The following JAML variants were observed in gnomAD, a reference collection of about 807,000 sequenced individuals.
JAML encodes the protein junctional adhesion molecule-like.
JAML carries 25 observed loss-of-function variants against 39.3 expected under a neutral mutation model. The ratio of observed to expected loss-of-function variants is 0.64; its 90% CI spans 0.46 to 0.89. The LOEUF is 0.89. Among genes scored for constraint, JAML ranks in the 40% least tolerant of loss-of-function variants. The pLI, the probability that JAML is intolerant of heterozygous loss-of-function variation, is 0.00. For missense variants in JAML, 440 were observed against 486.9 expected (o/e 0.90, Z 0.91); for synonymous variants, 162 against 179.2 (o/e 0.90, Z 0.77).
rs1948607143 is a variant in JAML, at chr11:118,194,288, T to A, written c.*37A>T. 3 of 1,561,332 alleles carry A rather than the reference T, an allele frequency of 1.9e-6. No homozygotes were observed. Among genetic ancestry groups the A allele is most frequent in the Non-Finnish European group, 2.6e-6 (3 of 1,132,166 alleles). On this transcript the variant is annotated 3_prime_UTR_variant, in exon 10 of 10. Coordinates refer to ENST00000356289, the MANE Select transcript of JAML (RefSeq NM_001098526.2). ...CCCAGGACACACACAGGAGAGAGTC[T>A]CCACCGCTGCTGAGATGAAGGGACT...
At chr11:118,209,624 G>A (rs910638505) in intron 4 of JAML, among the ~76,000 whole-genome samples, 1 of 151,948 alleles carries the variant, frequency 6.6e-6, no homozygotes, top group Non-Finnish European at 1.5e-5. Flanking sequence ...GGGCTCAAGT[G>A]ATCCTCTCAC....
intron 7 of JAML, among the ~76,000 whole-genome samples, chr11:118,200,130 C>T (rs1472607145): frequency 6.6e-6 from 1 of 152,130 alleles, no homozygotes; most frequent in Non-Finnish European, 1.5e-5. Context: ...GCGGAACGTA[C>T]AGTATGGATA....
chr11:118,202,802 T>G, intron 6 of JAML: 1 of 378,460 alleles, frequency 2.6e-6, no homozygotes, highest in Non-Finnish European at 5.2e-6. Flanking sequence ...ACAGGCAAAG[T>G]CCACAGGCCA....
At chr11:118,198,159 A>T in intron 7 of JAML, 68 bp from the exon 8 acceptor site, 1 of 1,325,100 alleles carries the variant, frequency 7.5e-7, no homozygotes, top group Non-Finnish European at 1.1e-6. Flanking sequence ...CCTACATGAG[A>T]TCCCCTCTTG....
chr11:118,213,474 C>A, intron 2 of JAML: 2 of 264,800 alleles, frequency 7.6e-6, no homozygotes, highest in Non-Finnish European at 5.9e-6. Flanking sequence ...CAAAAGAAAA[C>A]ATCGACTCTA....
At position 118,203,037 on chromosome 11, in the gene JAML, C is replaced by T. The variant is rs754275394; in HGVS notation, c.772+391G>A. ...CTCTCACTAGCTTAGGATCATTTCC[C>T]GCTCCACTCTAACACATACAGCACC... On this transcript the variant is annotated intron_variant, in intron 6 of 9. Transcript: ENST00000356289. 5.6e-5 allele frequency: 26 copies of T among 462,402 alleles called. 1 individual carries two copies. The highest frequency in any genetic ancestry group is 3.3e-4 in the South Asian group (21 of 64,614). 28.6% of individuals were successfully genotyped at this position (462,402 alleles called of 1,614,324 possible).
chr11:118,196,742 A>G lies in JAML; in HGVS notation c.1085T>C (p.Met362Thr). ...GGCCAGAATCATTCTCACCATGGTCATGTAGGTGGCCTCTGATTTTTCACT... is the reference window on the plus strand; with the variant it reads ...GGCCAGAATCATTCTCACCATGGTCGTGTAGGTGGCCTCTGATTTTTCACT... ...EPSEKSEATY[M>T]TMHPVWPSLR... is the part of the protein sequence containing the mutation. The change falls in exon 9 of 10, where the codon ATG becomes ACG. Residue 362 changes from methionine (M) to threonine (T), a missense_variant. Transcript: ENST00000356289. 6.2e-7 allele frequency: 1 copy of G among 1,608,872 alleles called. No homozygotes were observed. Among genetic ancestry groups the G allele is most frequent in the Non-Finnish European group, 8.5e-7 (1 of 1,175,248 alleles).
At chr11:118,198,164 C>T in intron 7 of JAML, 73 bp from the exon 8 acceptor site, 1 of 1,269,820 alleles carries the variant, frequency 7.9e-7, no homozygotes, top group Non-Finnish European at 1.1e-6. Context: ...ATGAGATCCC[C>T]TCTTGGCTTC....
intron 2 of JAML, among the ~76,000 whole-genome samples, chr11:118,214,253 T>C (rs1382399528): frequency 6.6e-6 from 1 of 152,002 alleles, no homozygotes; most frequent in Non-Finnish European, 1.5e-5. Context: ...ACCAATCTGG[T>C]CTGAGGAGAT....
At chr11:118,215,460 C>T (rs1399529309) in intron 1 of JAML, among the ~76,000 whole-genome samples, 1 of 152,042 alleles carries the variant, frequency 6.6e-6, no homozygotes, top group Non-Finnish European at 1.5e-5. Context: ...AGCAACCTTC[C>T]TGTCTCAGCC....
At chr11:118,209,150 A>G (rs1785569432) in intron 4 of JAML, 2 of 326,856 alleles carry the variant, frequency 6.1e-6, no homozygotes, top group Admixed American at 3.0e-5. Flanking sequence ...TGGAAGCATA[A>G]TGCCTCCTTT....
intron 3 of JAML, among the ~76,000 whole-genome samples, chr11:118,211,806 G>T (rs1007829834): frequency 6.6e-6 from 1 of 152,120 alleles, no homozygotes; most frequent in African/African-American, 2.4e-5. Flanking sequence ...ACTCCAAAGA[G>T]CTCCATGAAA....
Position 118,210,468 on chromosome 11 carries a change from T to C in JAML, c.424+19A>G. ...AAGCTCTTGCCCCTTGGCCCCTCTTTAAGTAAGCATTTGCGTACCTTTGGG... is the reference window on the plus strand; with the variant it reads ...AAGCTCTTGCCCCTTGGCCCCTCTTCAAGTAAGCATTTGCGTACCTTTGGG... On this transcript the variant is annotated intron_variant, in intron 4 of 9. Transcript: ENST00000356289. 6.2e-7 allele frequency: 1 copy of C among 1,612,494 alleles called. No individual in the cohort carries two copies. Among genetic ancestry groups the C allele is most frequent in the Non-Finnish European group, 8.5e-7 (1 of 1,179,400 alleles).
chr11:118,209,922 T>C lies in JAML; in HGVS notation c.424+565A>G, dbSNP rs149021606. Among the ~76,000 whole-genome samples, 165 of 152,122 alleles carry C rather than the reference T, an allele frequency of 1.1e-3. 1 individual carries two copies. The highest frequency in any genetic ancestry group is 7.7e-3 in the South Asian group (37 of 4,820). ...CTCTGTCACCCAGGCTAGAATGCAG[T>C]GGTGCCATCATAGCTCACTGCAGTC... On this transcript the variant is annotated intron_variant, in intron 4 of 9. Transcript: ENST00000356289.
intron 1 of JAML, among the ~76,000 whole-genome samples, chr11:118,217,942 C>T (rs935190164): frequency 4.6e-5 from 7 of 152,242 alleles, no homozygotes; most frequent in African/African-American, 1.7e-4. Flanking sequence ...CAAGATTAAT[C>T]TGTTCCTCCT....
intron 1 of JAML, among the ~76,000 whole-genome samples, chr11:118,221,769 A>T (rs997687861): frequency 1.3e-5 from 2 of 152,106 alleles, no homozygotes; most frequent in African/African-American, 4.8e-5. Context: ...TTGTGGTTTA[A>T]TCATTTATTG....
At chr11:118,208,233 A>T (rs909861893) in intron 4 of JAML, among the ~76,000 whole-genome samples, 2 of 53,148 alleles carry the variant, frequency 3.8e-5, no homozygotes, top group Non-Finnish European at 4.3e-5. Context: ...GACCCCACCT[A>T]AAAAAAAAAG....
chr11:118,222,333 T>C lies in JAML; in HGVS notation c.-21+2608A>G, dbSNP rs1035561213. ...TACTCAGGAGGCTGAAGTGGGAGGATCACTTGAGCCCAGGAGGCTGAGGCT... is the reference window on the plus strand; with the variant it reads ...TACTCAGGAGGCTGAAGTGGGAGGACCACTTGAGCCCAGGAGGCTGAGGCT... On this transcript the variant is annotated intron_variant, in intron 1 of 9. Transcript: ENST00000356289. The surrounding 1 kb of genome is among the most constrained non-coding windows in gnomAD (Gnocchi z 4.2). Among the ~76,000 whole-genome samples, 3 of 152,038 alleles carry C rather than the reference T, an allele frequency of 2.0e-5. No homozygotes were observed. The highest frequency in any genetic ancestry group is 4.4e-5 in the Non-Finnish European group (3 of 68,026).
chr11:118,213,001 T>G (rs1949092726), intron 2 of JAML: 1 of 1,612,884 alleles, frequency 6.2e-7, no homozygotes, highest in Admixed American at 1.7e-5. Flanking sequence ...CTTCCTCTTT[T>G]CCCTTTCTTT....
Sources: gnomAD v4.1 joint callset for allele counts (sites outside exome capture counted in the v4.1 genomes callset) on GRCh38, gnomAD v4.1.1 for gene constraint, Gnocchi (gnomAD v3.1) non-coding constraint, MANE v1.5 for transcripts, NCBI Gene and HGNC (gene_info 2026-07-23, HGNC 2026-07-21) for gene names.